The following REXO1 variants were observed in gnomAD, a reference collection of about 807,000 sequenced individuals.
The protein encoded by REXO1 is REX1, RNA exonuclease 1 homolog.
A neutral mutation model predicts 102.6 loss-of-function variants in REXO1; 42 were observed. The ratio of observed to expected loss-of-function variants is 0.41; its 90% CI spans 0.32 to 0.53. REXO1 has a LOEUF of 0.53. Among genes scored for constraint, REXO1 ranks in the 20% least tolerant of loss-of-function variants. The pLI, the probability that REXO1 is intolerant of heterozygous loss-of-function variation, is 0.27. For synonymous variants in REXO1, 908 were observed against 779.1 expected (o/e 1.17, Z -2.76); for missense variants, 1,819 against 1,732.5 (o/e 1.05, Z -0.89).
In REXO1 at chr19:1,816,075, G is replaced by C. The variant is rs1334802297; in HGVS notation, c.3657C>G (p.Thr1219=). ...VIWKVREDAK[T]KR ...GGGAGGCGGGCAGGCGTCATCGCTTGGTCTTGGCGTCTTCTCGAACCTTCC... is the reference window on the plus strand; with the variant it reads ...GGGAGGCGGGCAGGCGTCATCGCTTCGTCTTGGCGTCTTCTCGAACCTTCC... The change falls in exon 16 of 16, where the codon ACC becomes ACG. Residue 1219 remains threonine, a synonymous_variant. Transcript: ENST00000170168. The C allele has an allele frequency of 6.5e-7, 1 of 1,544,924 alleles. No homozygotes were observed.
chr19:1,818,391 A>G, intron 10 of REXO1, 91 bp downstream of exon 10: 1 of 974,962 alleles, frequency 1.0e-6, no homozygotes, highest in Non-Finnish European at 1.6e-6. Flanking sequence ...GGGCCTGGGT[A>G]AAGCCTTACC....
At position 1,820,344 on chromosome 19, in the gene REXO1, C is replaced by A. The variant is rs200037442; in HGVS notation, c.2446G>T (p.Val816Phe). 14 of 1,613,858 alleles carry A rather than the reference C, an allele frequency of 8.7e-6. No individual in the cohort carries two copies. The highest frequency in any genetic ancestry group is 1.6e-4 in the Middle Eastern group (1 of 6,062). ...AGGTTGAGATAGCGCTGGCGGATGACGGTGGGGACTTTGCCCCCAAACTCT... is the reference window on the plus strand; with the variant it reads ...AGGTTGAGATAGCGCTGGCGGATGAAGGTGGGGACTTTGCCCCCAAACTCT... The part of the protein sequence containing the change: ...PKEFGGKVPT[V>F]IRQRYLNLFI... Residue 816 changes from valine (V) to phenylalanine (F), a missense_variant, in exon 6 of 16, where the codon GTC becomes TTC. Physicochemically the swap from Val to Phe is conservative, Grantham distance 50 (BLOSUM62 -1). Coordinates refer to ENST00000170168, the MANE Select transcript of REXO1 (RefSeq NM_020695.4).
chr19:1,826,599 G>T lies in REXO1; in HGVS notation c.1911+279C>A, dbSNP rs920948872. Among the ~76,000 whole-genome samples, 2 of 151,996 alleles carry T rather than the reference G, an allele frequency of 1.3e-5. No individual in the cohort carries two copies. Among genetic ancestry groups the T allele is most frequent in the African/African-American group, 4.8e-5 (2 of 41,376 alleles). ...TGGGTGGGTGGGCCAATATCCCCCT[G>T]CCAGTCAGTGGGAACAGACCGTGTG... On this transcript the variant is annotated intron_variant, in intron 2 of 15. Coordinates refer to ENST00000170168, the MANE Select transcript of REXO1 (RefSeq NM_020695.4). The surrounding 1 kb of genome is among the most constrained non-coding windows in gnomAD (Gnocchi z 4.3).
intron 6 of REXO1, 27 bp downstream of exon 6, chr19:1,820,237 G>A (rs369393946): frequency 7.2e-5 from 116 of 1,602,522 alleles, no homozygotes; most frequent in Non-Finnish European, 9.1e-5. Context: ...CCACCCGACC[G>A]GCCAGATAGG....
rs769826037 is a variant in REXO1, at chr19:1,828,426, G to T, written c.363C>A (p.Ser121=). Residue 121 remains serine (S), a synonymous_variant, in exon 2 of 16, where the codon TCC becomes TCA. Transcript: ENST00000170168. The part of the protein sequence containing the change: ...ELLETTREHR[S]AEAPALAPRG... ...GGGGCGCCAGGGCGGGGGCCTCGGC[G>T]GAGCGGTGCTCACGGGTCGTCTCCA... 2.5e-6 allele frequency: 4 copies of T among 1,608,608 alleles called. No homozygotes were observed. The highest frequency in any genetic ancestry group is 2.2e-5 in the East Asian group (1 of 44,744).
chr19:1,820,334 T>G lies in REXO1; in HGVS notation c.2456A>C (p.Gln819Pro). The stretch of plus-strand genomic sequence containing the variant: ...CTCGATGAACAGGTTGAGATAGCGC[T>G]GGCGGATGACGGTGGGGACTTTGCC... ...FGGKVPTVIR[Q>P]RYLNLFIEEC... The change falls in exon 6 of 16, where the codon CAG (glutamine) becomes CCG (proline). Residue 819 changes from glutamine to proline, a missense_variant. Gln to Pro is a moderately conservative substitution (Grantham distance 76, BLOSUM62 -1). Transcript: ENST00000170168. 1 of 1,613,940 alleles carries G rather than the reference T, an allele frequency of 6.2e-7. No homozygotes were observed. Among genetic ancestry groups the G allele is most frequent in the Non-Finnish European group, 8.5e-7 (1 of 1,179,978 alleles).
Position 1,818,555 on chromosome 19 carries a change from G to A in REXO1, c.2943C>T (p.Leu981=), listed in dbSNP as rs774661515. The A allele has an allele frequency of 5.6e-6, 9 of 1,611,968 alleles. No homozygotes were observed. Among genetic ancestry groups the A allele is most frequent in the Admixed American group, 1.7e-5 (1 of 59,916 alleles). ...GGATGCAGCGGCCTGAAGAGGACACGAGGTACTCGGTGCCACAGCGGCAGC... is the reference window on the plus strand; with the variant it reads ...GGATGCAGCGGCCTGAAGAGGACACAAGGTACTCGGTGCCACAGCGGCAGC... ...RTCCRCGTEY[L]VSSSGRCIRD... Residue 981 remains leucine, a synonymous_variant, in exon 10 of 16, where the codon CTC becomes CTT. Coordinates refer to ENST00000170168, the MANE Select transcript of REXO1 (RefSeq NM_020695.4).
In REXO1 at chr19:1,848,256, C is replaced by G; in HGVS notation, c.103G>C (p.Gly35Arg). 7 of 1,230,966 alleles carry G rather than the reference C, an allele frequency of 5.7e-6. No homozygotes were observed. The highest frequency in any genetic ancestry group is 7.1e-6 in the Non-Finnish European group (7 of 982,808). The allele number at this position is 1,230,966 out of a possible 1,614,324, so 76.3% of individuals were successfully genotyped here. A position where few individuals can be genotyped will look rare whatever the true frequency, so the allele number is the denominator to read the frequency against. Residue 35 changes from glycine (G) to arginine (R), a missense_variant, in exon 1 of 16, where the codon GGG (glycine) becomes CGG (arginine). Gly to Arg is a moderately radical substitution (Grantham distance 125). Coordinates refer to ENST00000170168, the MANE Select transcript of REXO1 (RefSeq NM_020695.4). ...CCGGGCGCGCCGGAGCCCCGGGCCC[C>G]GCGGTGCCGGAAGTGGCAGTAGGGC... ...RRPYCHFRHR[G>R]ARGSGAPGDG...
In REXO1 at chr19:1,827,070, G is replaced by A; in HGVS notation, c.1719C>T (p.Ser573=). The change falls in exon 2 of 16, where the codon TCC becomes TCT. Residue 573 remains serine (S), a synonymous_variant. Coordinates refer to ENST00000170168, the MANE Select transcript of REXO1 (RefSeq NM_020695.4). ...AGGATGGGGCGGGGGAGGGGGGCGGGGAGGCCTTGAGCCGCTTGGGCGGCC... is the reference window on the plus strand; with the variant it reads ...AGGATGGGGCGGGGGAGGGGGGCGGAGAGGCCTTGAGCCGCTTGGGCGGCC... The part of the protein sequence containing the change: ...AQGPPKRLKA[S]PPPSPAPSSS... 1.3e-6 allele frequency: 1 copy of A among 760,896 alleles called. No homozygotes were observed. Among genetic ancestry groups the A allele is most frequent in the African/African-American group, 1.7e-5 (1 of 58,884 alleles). 47.1% of individuals were successfully genotyped at this position (760,896 alleles called of 1,614,324 possible). A position where few individuals can be genotyped will look rare whatever the true frequency, so the allele number is the denominator to read the frequency against.
intron 11 of REXO1, 153 bp downstream of exon 11, chr19:1,817,554 G>C: frequency 6.9e-7 from 1 of 1,446,896 alleles, no homozygotes; most frequent in Non-Finnish European, 9.2e-7. Context: ...TGGGGCCTAC[G>C]GGTGCTACGT....
At chr19:1,817,080 AGC>A (rs2069388479) in intron 12 of REXO1, 137 bp downstream of exon 12, 3 of 1,052,078 alleles carry the variant, frequency 2.9e-6, no homozygotes, top group Non-Finnish European at 4.1e-6. Flanking sequence ...CCAGGGCAGG[AGC>A]CACAGGCACC....
At chr19:1,834,830 C>A (rs768901637) in intron 1 of REXO1, 1 of 217,170 alleles carries the variant, frequency 4.6e-6, no homozygotes, top group Admixed American at 4.4e-5. Context: ...ACCACCTCCA[C>A]AAAGACTGCA....
chr19:1,841,008 AG>A (rs1442598511), intron 1 of REXO1, among the ~76,000 whole-genome samples: 2 of 152,156 alleles, frequency 1.3e-5, no homozygotes, highest in African/African-American at 4.8e-5. Flanking sequence ...ATGGGACGGG[AG>A]GCGCTCCGTC....
At chr19:1,847,152 T>C (rs746464248) in intron 1 of REXO1, among the ~76,000 whole-genome samples, 1 of 152,198 alleles carries the variant, frequency 6.6e-6, no homozygotes, top group East Asian at 1.9e-4. Flanking sequence ...TGACAAGTGA[T>C]TGCTTGCATC....
intron 1 of REXO1, among the ~76,000 whole-genome samples, chr19:1,833,116 T>C (rs905059847): frequency 7.9e-5 from 12 of 152,138 alleles, no homozygotes; most frequent in Admixed American, 7.9e-4. Context: ...TCCCAGCTAC[T>C]TGGAAGGCTG....
At chr19:1,816,628 C>CGGGGGGGGGG in intron 13 of REXO1, 59 bp from the exon 14 acceptor site, 1 of 189,036 alleles carries the variant, frequency 5.3e-6, no homozygotes. Flanking sequence ...GCTGGTGGGG[C>CGGGGGGGGGG]GGGGGAGGGT....
At chr19:1,837,794 G>A (rs1196364448) in intron 1 of REXO1, among the ~76,000 whole-genome samples, 1 of 152,210 alleles carries the variant, frequency 6.6e-6, no homozygotes, top group Non-Finnish European at 1.5e-5. Flanking sequence ...CCGCCCAGCA[G>A]GTGGAGCCAC....
chr19:1,819,269 C>T lies in REXO1; in HGVS notation c.2651-138G>A, dbSNP rs968382857. ...TTCTGGGACAGCACCCCACTGACCC[C>T]GGGTTCCAGCCTGACCCGAACAGGA... On this transcript the variant is annotated intron_variant, in intron 7 of 15. Transcript: ENST00000170168. 22 of 662,616 alleles carry T rather than the reference C, an allele frequency of 3.3e-5. No homozygotes were observed. The Admixed American group carries it at 6.3e-4, about 19-fold the overall frequency. 41.0% of individuals were successfully genotyped at this position (662,616 alleles called of 1,614,324 possible).
At chr19:1,824,335 A>T (rs1266887490) in intron 3 of REXO1, 1 of 152,392 alleles carries the variant, frequency 6.6e-6, no homozygotes, top group Non-Finnish European at 1.5e-5. Flanking sequence ...ACTCTGGGGG[A>T]GGTCACCCTG....
Sources: gnomAD v4.1 joint callset for allele counts (sites outside exome capture counted in the v4.1 genomes callset) on GRCh38, gnomAD v4.1.1 for gene constraint, Gnocchi (gnomAD v3.1) non-coding constraint, MANE v1.5 for transcripts, NCBI Gene and HGNC (gene_info 2026-07-23, HGNC 2026-07-21) for gene names.